FRMPD1: variants seen among roughly 807,000 people sequenced by gnomAD.
The protein encoded by FRMPD1 is FERM and PDZ domain-containing protein 1.
Under a neutral mutation model 117.8 loss-of-function variants are expected in FRMPD1, and 76 were observed. The ratio of observed to expected loss-of-function variants is 0.65; its 90% CI spans 0.54 to 0.78. The LOEUF (loss-of-function observed/expected upper bound fraction) is 0.78. Among genes scored for constraint, FRMPD1 ranks in the 30% least tolerant of loss-of-function variants. FRMPD1 has a pLI of 0.00. For missense variants in FRMPD1, 1,786 were observed against 1,964.5 expected (o/e 0.91, Z 1.72); for synonymous variants, 783 against 770.4 (o/e 1.02, Z -0.27).
chr9:37,729,903 G>C (rs1039873224), intron 8 of FRMPD1, 50 bp downstream of exon 8: 1 of 1,588,624 alleles, frequency 6.3e-7, no homozygotes, highest in African/African-American at 1.3e-5. Context: ...TGGGCTGGCT[G>C]CATACCTCAG....
chr9:37,685,724 G>A (rs1000076787), intron 1 of FRMPD1, among the ~76,000 whole-genome samples: 1 of 152,026 alleles, frequency 6.6e-6, no homozygotes, highest in African/African-American at 2.4e-5. Context: ...TTCTCCGCTA[G>A]CCCTATTATT....
At chr9:37,623,473 T>C in the FRMPD1 span, among the ~76,000 whole-genome samples, 1 of 152,142 alleles carries the variant, frequency 6.6e-6, no homozygotes, top group Non-Finnish European at 1.5e-5. Flanking sequence ...TTGAAGTCTG[T>C]GAAGAGTTTC....
chr9:37,689,897 T>G (rs1312809308), intron 1 of FRMPD1, among the ~76,000 whole-genome samples: 1 of 152,178 alleles, frequency 6.6e-6, no homozygotes. Flanking sequence ...TTCATTTGTT[T>G]GTATGTAATC....
At chr9:37,651,878 C>T (rs1820686536) in intron 1 of FRMPD1, among the ~76,000 whole-genome samples, 1 of 152,256 alleles carries the variant, frequency 6.6e-6, no homozygotes. Flanking sequence ...CTCCGGATCT[C>T]TGCATTTAGT....
chr9:37,714,653 T>G (rs1823042315), intron 5 of FRMPD1, among the ~76,000 whole-genome samples: 1 of 71,988 alleles, frequency 1.4e-5, no homozygotes, highest in Non-Finnish European at 2.9e-5. Flanking sequence ...TTATCTTATT[T>G]TATTTATTTT....
chr9:37,647,360 A>T (rs773301403), upstream of FRMPD1, among the ~76,000 whole-genome samples: 5 of 151,972 alleles, frequency 3.3e-5, no homozygotes, highest in Non-Finnish European at 5.9e-5. Context: ...ATACAAAAAA[A>T]AATTAACCGG....
At chr9:37,611,707 A>G in the FRMPD1 span, among the ~76,000 whole-genome samples, 2 of 152,240 alleles carry the variant, frequency 1.3e-5, no homozygotes, top group Non-Finnish European at 2.9e-5. Flanking sequence ...AAATAATAGT[A>G]AACCTGTATG....
the FRMPD1 span, among the ~76,000 whole-genome samples, chr9:37,641,708 A>G: frequency 6.6e-6 from 1 of 152,148 alleles, no homozygotes; most frequent in Admixed American, 6.5e-5. Context: ...TAGGAGAGGA[A>G]CCTTCCAAGA....
intron 10 of FRMPD1, 137 bp downstream of exon 10, chr9:37,732,577 C>T: frequency 1.2e-6 from 1 of 863,530 alleles, no homozygotes. Flanking sequence ...TCCCTCTGCA[C>T]CCTCTCTAAT....
chr9:37,614,506 G>A, the FRMPD1 span, among the ~76,000 whole-genome samples: 1 of 152,194 alleles, frequency 6.6e-6, no homozygotes, highest in East Asian at 1.9e-4. Flanking sequence ...CAATGAAATT[G>A]ACTGAATGAC....
chr9:37,744,797 A>G lies in FRMPD1; in HGVS notation c.2765A>G (p.Glu922Gly). 6.2e-7 allele frequency: 1 copy of G among 1,614,140 alleles called. No individual in the cohort carries two copies. The highest frequency in any genetic ancestry group is 8.5e-7 in the Non-Finnish European group (1 of 1,180,016). ...KSTNPASRVM[E>G]MEPETMETKS... is the part of the protein sequence containing the mutation. ...ACAAACCCAGCCTCCAGGGTCATGG[A>G]GATGGAGCCCGAGACCATGGAAACC... The change falls in exon 16 of 16, where the codon GAG (glutamate) becomes GGG (glycine). Residue 922 changes from glutamate to glycine, a missense_variant. Glu to Gly is a moderately conservative substitution (Grantham distance 98, BLOSUM62 -2). Transcript: ENST00000377765.
chr9:37,632,932 C>T, the FRMPD1 span, among the ~76,000 whole-genome samples: 1 of 146,968 alleles, frequency 6.8e-6, no homozygotes, highest in Non-Finnish European at 1.5e-5. Context: ...ATAATTTTTT[C>T]TTTTATATAT....
intron 7 of FRMPD1, 97 bp from the exon 8 acceptor site, chr9:37,729,631 G>A (rs1204437448): frequency 7.5e-7 from 1 of 1,325,818 alleles, no homozygotes; most frequent in African/African-American, 1.4e-5. Flanking sequence ...TGTCAGTGCA[G>A]GCTTTTCTCT....
At chr9:37,603,577 C>A in the FRMPD1 span, among the ~76,000 whole-genome samples, 1 of 152,114 alleles carries the variant, frequency 6.6e-6, no homozygotes, top group Non-Finnish European at 1.5e-5. Context: ...GGTGGCAGAG[C>A]AGTTGTGATT....
intron 8 of FRMPD1, 74 bp downstream of exon 8, chr9:37,729,927 G>A: frequency 2.0e-6 from 3 of 1,504,366 alleles, no homozygotes; most frequent in Non-Finnish European, 2.7e-6. Context: ...GAACCTCTGG[G>A]GACAGGGCTC....
At chr9:37,640,019 T>C in the FRMPD1 span, among the ~76,000 whole-genome samples, 1 of 152,146 alleles carries the variant, frequency 6.6e-6, no homozygotes, top group African/African-American at 2.4e-5. Context: ...ACAGCCAGCA[T>C]GAGTTTGGGG....
chr9:37,733,666 A>G (rs971677151), intron 11 of FRMPD1, 64 bp from the exon 12 acceptor site: 133 of 1,600,148 alleles, frequency 8.3e-5, no homozygotes, highest in Admixed American at 1.5e-4. Context: ...AACATTTTCA[A>G]CACTGCCTGG....
intron 12 of FRMPD1, 57 bp downstream of exon 12, chr9:37,733,882 GA>G: frequency 1.1e-6 from 1 of 946,072 alleles, no homozygotes. Flanking sequence ...GAGATCCTCT[GA>G]AAATCAATGT....
At chr9:37,685,984 C>G (rs948003429) in intron 1 of FRMPD1, among the ~76,000 whole-genome samples, 14 of 152,226 alleles carry the variant, frequency 9.2e-5, no homozygotes, top group Non-Finnish European at 4.4e-5. Context: ...TTTAAAATAG[C>G]TATCACCTTG....
Sources: gnomAD v4.1 joint callset for allele counts (sites outside exome capture counted in the v4.1 genomes callset) on GRCh38, gnomAD v4.1.1 for gene constraint, MANE v1.5 for transcripts, NCBI Gene and HGNC (gene_info 2026-07-23, HGNC 2026-07-21) for gene names.